Variants in MORN1 observed in about 807,000 individuals in gnomAD.
The protein encoded by MORN1 is MORN repeat containing 1.
MORN1 carries 67 observed loss-of-function variants against 61.9 expected under a neutral mutation model. That is an observed-to-expected ratio of 1.08 (90% CI 0.89 to 1.33). The LOEUF is 1.33. Ranked by LOEUF, MORN1 falls within the 40% of genes most tolerant of loss-of-function variation. The pLI is 0.00. For synonymous variants in MORN1, 301 were observed against 292.0 expected (o/e 1.03, Z -0.31); for missense variants, 752 against 691.2 (o/e 1.09, Z -0.99).
chr1:2,336,362 G>C (rs1641276030), intron 12 of MORN1, 107 bp downstream of exon 12: 10 of 1,162,942 alleles, frequency 8.6e-6, no homozygotes, highest in Non-Finnish European at 1.2e-5. Context: ...TGTCTTCCCA[G>C]ACCAGGCCCT....
In MORN1 at chr1:2,323,470, G is replaced by T. The variant is rs563183064; in HGVS notation, c.1297+627C>A. The T allele has an allele frequency of 9.1e-6, 9 of 985,378 alleles. No individual in the cohort carries two copies. In the African/African-American group the frequency reaches 1.4e-4, roughly 15 times the overall value. 61.0% of individuals were successfully genotyped at this position (985,378 alleles called of 1,614,324 possible). On this transcript the variant is annotated intron_variant, in intron 13 of 13. Transcript: ENST00000378531. ...TCCGTCAGGCAGCCAGTCAGCCGCG[G>T]TGCCCAGGTCCTGCTAGGGGTCCGA...
chr1:2,388,359 T>G, intron 2 of MORN1, 22 bp from the exon 3 acceptor site: 1 of 1,593,986 alleles, frequency 6.3e-7, no homozygotes, highest in South Asian at 1.1e-5. Context: ...AATCGTCACG[T>G]GAACTCAGAC....
chr1:2,336,068 ACT>A (rs1378499343), intron 12 of MORN1, among the ~76,000 whole-genome samples: 1 of 150,732 alleles, frequency 6.6e-6, no homozygotes, highest in Non-Finnish European at 1.5e-5. Flanking sequence ...ACCTGGTCCC[ACT>A]CCTGTCCTCC....
At chr1:2,342,142 C>T (rs1368499942) in intron 10 of MORN1, among the ~76,000 whole-genome samples, 1 of 152,294 alleles carries the variant, frequency 6.6e-6, no homozygotes, top group Non-Finnish European at 1.5e-5. Context: ...ACCTCGGGGG[C>T]CTCGGGAACC....
intron 6 of MORN1, chr1:2,376,464 G>A (rs953308732): frequency 6.6e-5 from 10 of 152,546 alleles, no homozygotes; most frequent in African/African-American, 2.2e-4. Flanking sequence ...GGAGGGAGGT[G>A]GAGCTGCGGG....
At position 2,355,502 on chromosome 1, in the gene MORN1, G is replaced by T; in HGVS notation, c.1036+1930C>A. ...ACCCCCGAGGCTCTGAGGCTCTGGG[G>T]CTTCTAGCCACCAGCTGGGTGAGGT... On this transcript the variant is annotated intron_variant, in intron 10 of 13. Coordinates refer to ENST00000378531, the MANE Select transcript of MORN1 (RefSeq NM_024848.3). 1.9e-6 allele frequency: 3 copies of T among 1,549,504 alleles called. No individual in the cohort carries two copies. In the South Asian group the frequency reaches 3.6e-5, roughly 18 times the overall value.
intron 4 of MORN1, 115 bp from the exon 5 acceptor site, chr1:2,386,012 C>A (rs994215104): frequency 2.3e-6 from 2 of 855,194 alleles, no homozygotes; most frequent in Non-Finnish European, 3.9e-6. Flanking sequence ...GTCTAGGAGG[C>A]ATGGGGCTCA....
Position 2,340,421 on chromosome 1 carries a change from C to T in MORN1, c.1037-3571G>A, listed in dbSNP as rs79892661. 1.3e-3 allele frequency among the ~76,000 whole-genome samples: 191 copies of T among 152,296 alleles called. 1 individual carries two copies. Among genetic ancestry groups the T allele is most frequent in the African/African-American group, 4.4e-3 (184 of 41,576 alleles). On this transcript the variant is annotated intron_variant, in intron 10 of 13. Coordinates refer to ENST00000378531, the MANE Select transcript of MORN1 (RefSeq NM_024848.3). ...CCTTGCTGAGGGGCCTGCCCTGCCCCTGGCCACTGACTCCTCCCCTCGCTC... is the reference window on the plus strand; with the variant it reads ...CCTTGCTGAGGGGCCTGCCCTGCCCTTGGCCACTGACTCCTCCCCTCGCTC...
Position 2,336,520 on chromosome 1 carries a change from A to C in MORN1, c.1199T>G (p.Leu400Arg). ...KKAGGRSRGG[L>R]HPRGTPPTAQ... is the part of the protein sequence containing the mutation. ...CGTGGGTGGTGTCCCCCTGGGGTGC[A>C]GGCCGCCTCTGGATCTGCCGCCTGC... The change falls in exon 12 of 14, where the codon CTG becomes CGG. Residue 400 changes from leucine to arginine, a missense_variant. By Grantham distance (102) the Leu-to-Arg change is moderately radical. Transcript: ENST00000378531. 6.2e-7 allele frequency: 1 copy of C among 1,612,720 alleles called. No homozygotes were observed. The highest frequency in any genetic ancestry group is 8.5e-7 in the Non-Finnish European group (1 of 1,179,758).
chr1:2,346,899 G>C (rs1335530743), intron 10 of MORN1, among the ~76,000 whole-genome samples: 2 of 152,148 alleles, frequency 1.3e-5, no homozygotes, highest in African/African-American at 4.8e-5. Context: ...AGCTCTCCCT[G>C]CCCACCCCCG....
chr1:2,321,704 C>T, intron 13 of MORN1, 125 bp from the exon 14 acceptor site: 5 of 1,276,242 alleles, frequency 3.9e-6, no homozygotes, highest in Non-Finnish European at 5.2e-6. Flanking sequence ...TCATCTCTGC[C>T]TGGGTTCTGG....
intron 8 of MORN1, among the ~76,000 whole-genome samples, chr1:2,370,252 G>A (rs6665546): frequency 0.18 from 27,561 of 152,088 alleles, 2,730 homozygotes; most frequent in East Asian, 0.32. Flanking sequence ...GCAAAAGGAC[G>A]GTGTTCTCAA....
At chr1:2,341,509 A>G (rs1484545682) in intron 10 of MORN1, among the ~76,000 whole-genome samples, 1 of 152,038 alleles carries the variant, frequency 6.6e-6, no homozygotes, top group African/African-American at 2.4e-5. Flanking sequence ...TGGCCAACAT[A>G]GTGAAACCCC....
intron 12 of MORN1, among the ~76,000 whole-genome samples, chr1:2,325,583 G>A (rs181531578): frequency 1.3e-5 from 2 of 148,772 alleles, no homozygotes; most frequent in Admixed American, 6.7e-5. Flanking sequence ...CTGGGCTCAG[G>A]AGAATCCTTC....
chr1:2,345,870 T>G (rs1167714057), intron 10 of MORN1, among the ~76,000 whole-genome samples: 2 of 151,138 alleles, frequency 1.3e-5, no homozygotes, highest in East Asian at 3.9e-4. Flanking sequence ...TTTGCTCTTA[T>G]CTCTATGACG....
rs533139638 is a variant in MORN1, at chr1:2,321,900, G to A, written c.1298-321C>T. 165 of 576,968 alleles carry A rather than the reference G, an allele frequency of 2.9e-4. 3 individuals carry two copies. In the Admixed American group the frequency reaches 9.1e-3, roughly 32 times the overall value. The allele number at this position is 576,968 out of a possible 1,614,324, so 35.7% of individuals were successfully genotyped here. A position where few individuals can be genotyped will look rare whatever the true frequency, so the allele number is the denominator to read the frequency against. On this transcript the variant is annotated intron_variant, in intron 13 of 13. Coordinates refer to ENST00000378531, the MANE Select transcript of MORN1 (RefSeq NM_024848.3). ...TGGACACGACCCTCGCATGGTGGCC[G>A]CTCTCAAGCCCCCACTGCTGACCTG...
At chr1:2,342,257 A>G (rs890366954) in intron 10 of MORN1, among the ~76,000 whole-genome samples, 26 of 152,336 alleles carry the variant, frequency 1.7e-4, no homozygotes, top group African/African-American at 5.8e-4. Flanking sequence ...CTCCCTAGTC[A>G]CCTGTGTAGG....
At chr1:2,356,790 T>C (rs1396951293) in intron 10 of MORN1, among the ~76,000 whole-genome samples, 2 of 152,326 alleles carry the variant, frequency 1.3e-5, no homozygotes, top group East Asian at 3.9e-4. Context: ...CACTGCTCGC[T>C]GCACCGGAGG....
intron 13 of MORN1, chr1:2,322,844 C>T (rs985823049): frequency 1.4e-5 from 14 of 985,300 alleles, no homozygotes; most frequent in South Asian, 4.7e-5. Context: ...CTGAGGCTGG[C>T]GTCCCGGCGG....
Sources: gnomAD v4.1 joint callset for allele counts (sites outside exome capture counted in the v4.1 genomes callset) on GRCh38, gnomAD v4.1.1 for gene constraint, MANE v1.5 for transcripts, NCBI Gene and HGNC (gene_info 2026-07-23, HGNC 2026-07-21) for gene names.